Variants in PTGER3 observed in about 807,000 individuals in gnomAD.
PTGER3 encodes prostaglandin E receptor 3.
Under a neutral mutation model 34.7 loss-of-function variants are expected in PTGER3, and 22 were observed. That is an observed-to-expected ratio of 0.63 (90% CI 0.45 to 0.91). PTGER3 has a LOEUF of 0.91. Among genes scored for constraint, PTGER3 ranks in the 40% least tolerant of loss-of-function variants. The pLI, the probability that PTGER3 is intolerant of heterozygous loss-of-function variation, is 0.00. For missense variants in PTGER3, 468 were observed against 519.4 expected (o/e 0.90, Z 0.96); for synonymous variants, 241 against 230.1 (o/e 1.05, Z -0.43).
chr1:70,966,426 G>T (rs1318633165), downstream of PTGER3, among the ~76,000 whole-genome samples: 3 of 151,922 alleles, frequency 2.0e-5, no homozygotes, highest in Non-Finnish European at 4.4e-5. Flanking sequence ...TATAAAAAAA[G>T]AAGTTATTTA....
intron 2 of PTGER3, among the ~76,000 whole-genome samples, chr1:71,004,460 G>C (rs1008167821): frequency 6.6e-6 from 1 of 152,128 alleles, no homozygotes; most frequent in African/African-American, 2.4e-5. Flanking sequence ...CCCAATATTT[G>C]TTCTTTGATA....
chr1:70,893,487 G>A (rs1298619751), intron 4 of PTGER3, among the ~76,000 whole-genome samples: 1 of 152,186 alleles, frequency 6.6e-6, no homozygotes, highest in Non-Finnish European at 1.5e-5. Context: ...TGATTCCTGA[G>A]GAGCTGAGGA....
At chr1:70,893,401 C>T (rs1646660262) in intron 4 of PTGER3, among the ~76,000 whole-genome samples, 1 of 152,152 alleles carries the variant, frequency 6.6e-6, no homozygotes, top group Admixed American at 6.5e-5. Flanking sequence ...AGGACTGTGG[C>T]GTGGAGAAAG....
In PTGER3 at chr1:70,974,286, C is replaced by T. The variant is rs1359981162; in HGVS notation, c.1169+11G>A. ...GCTATGCTATAAATCCCGGCAGTTT[C>T]TAAATCTCACCTTTCCAAATGGTCG... On this transcript the variant is annotated intron_variant, in intron 3 of 3. Transcript: ENST00000306666. The T allele has an allele frequency of 6.2e-7, 1 of 1,612,412 alleles. No individual in the cohort carries two copies. Among genetic ancestry groups the T allele is most frequent in the African/African-American group, 1.3e-5 (1 of 74,958 alleles).
At chr1:70,933,715 A>G (rs2100510053) in intron 4 of PTGER3, among the ~76,000 whole-genome samples, 1 of 152,282 alleles carries the variant, frequency 6.6e-6, no homozygotes, top group Middle Eastern at 3.4e-3. Flanking sequence ...TGGGAGTGAA[A>G]GCGGTTATAA....
intron 2 of PTGER3, among the ~76,000 whole-genome samples, chr1:70,981,931 C>A (rs1654415628): frequency 6.6e-6 from 1 of 152,108 alleles, no homozygotes; most frequent in Non-Finnish European, 1.5e-5. Context: ...GTTATCCTCA[C>A]TCAGAATGGG....
intron 4 of PTGER3, among the ~76,000 whole-genome samples, chr1:70,855,541 G>A (rs998375834): frequency 5.3e-5 from 8 of 151,980 alleles, no homozygotes; most frequent in African/African-American, 1.9e-4. Flanking sequence ...CTGTGAACGC[G>A]ACAAAATATC....
chr1:70,902,044 G>A (rs1343511709), intron 4 of PTGER3, among the ~76,000 whole-genome samples: 1 of 152,074 alleles, frequency 6.6e-6, no homozygotes, highest in Non-Finnish European at 1.5e-5. Flanking sequence ...ATTACTGACA[G>A]TGAAGGTATA....
intron 4 of PTGER3, among the ~76,000 whole-genome samples, chr1:70,930,337 T>G (rs1167355228): frequency 2.6e-5 from 4 of 152,316 alleles, no homozygotes; most frequent in East Asian, 1.9e-4. Flanking sequence ...ACAAAGCCTC[T>G]TATTATCTTG....
chr1:70,987,620 G>A (rs1264318108), intron 2 of PTGER3, among the ~76,000 whole-genome samples: 2 of 152,168 alleles, frequency 1.3e-5, no homozygotes, highest in African/African-American at 2.4e-5. Flanking sequence ...CCCTGAAGCT[G>A]CAGGTGTGGT....
intron 2 of PTGER3, among the ~76,000 whole-genome samples, chr1:70,955,944 C>G (rs1651280628): frequency 6.6e-6 from 1 of 152,144 alleles, no homozygotes; most frequent in African/African-American, 2.4e-5. Flanking sequence ...AACACCCAGT[C>G]TAGGATTGAT....
At chr1:70,913,640 A>G (rs1261129258) in intron 4 of PTGER3, among the ~76,000 whole-genome samples, 1 of 151,936 alleles carries the variant, frequency 6.6e-6, no homozygotes, top group African/African-American at 2.4e-5. Context: ...TTTTATTAGG[A>G]AAAAGAAGTT....
In PTGER3 at chr1:71,034,655, C is replaced by T. The variant is rs1008329141; in HGVS notation, c.897+12026G>A. Among the ~76,000 whole-genome samples the T allele has an allele frequency of 7.9e-5, 12 of 152,092 alleles. No individual in the cohort carries two copies. The East Asian group carries it at 1.4e-3, about 17-fold the overall frequency. On this transcript the variant is annotated intron_variant, in intron 1 of 3. Coordinates refer to ENST00000306666, the MANE Select transcript of PTGER3 (RefSeq NM_198719.2). Reference sequence around the variant, plus strand: ...CTAATCCAAGAGCTAGTATTAGCACCGAAGGGTGGAAGCAAAAGGGAGGAC... The same window carrying T: ...CTAATCCAAGAGCTAGTATTAGCACTGAAGGGTGGAAGCAAAAGGGAGGAC...
rs543013355 is a variant in PTGER3, at chr1:70,939,462, G to A, written c.*23+14301C>T. On this transcript the variant is annotated intron_variant, in intron 4 of 4. Coordinates refer to the PTGER3 transcript ENST00000370931. Reference sequence around the variant, plus strand: ...CAGTGCCCCAGTAGGGCCCCTGTGTGGGGGCTCTGACCCCACATTTCCCTT... The same window carrying A: ...CAGTGCCCCAGTAGGGCCCCTGTGTAGGGGCTCTGACCCCACATTTCCCTT... Among the ~76,000 whole-genome samples the A allele has an allele frequency of 1.2e-4, 18 of 152,320 alleles. 1 individual carries two copies. The East Asian group carries it at 2.7e-3, about 23-fold the overall frequency.
At chr1:71,012,014 T>C (rs1288506674) in intron 2 of PTGER3, 2 of 1,402,030 alleles carry the variant, frequency 1.4e-6, no homozygotes, top group African/African-American at 1.4e-5. Flanking sequence ...CACTAGACTG[T>C]TATTAATATA....
chr1:70,952,851 A>G (rs1469072334), exon 4 of PTGER3: 15 of 1,502,262 alleles, frequency 1.0e-5, no homozygotes, highest in Admixed American at 1.9e-5. Context: ...TCACAAACTC[A>G]GCTGGAGGAG....
chr1:70,892,509 A>G (rs1282856883), intron 4 of PTGER3, among the ~76,000 whole-genome samples: 3 of 152,172 alleles, frequency 2.0e-5, no homozygotes, highest in Non-Finnish European at 4.4e-5. Context: ...CTAGCTATTC[A>G]AGGAGTAACA....
At chr1:70,956,838 G>T (rs1437841997) in intron 2 of PTGER3, among the ~76,000 whole-genome samples, 1 of 152,030 alleles carries the variant, frequency 6.6e-6, no homozygotes, top group Non-Finnish European at 1.5e-5. Context: ...ACCCCATCTC[G>T]ACAAAAATTA....
intron 2 of PTGER3, among the ~76,000 whole-genome samples, chr1:70,986,183 A>T (rs937633567): frequency 6.6e-6 from 1 of 152,158 alleles, no homozygotes; most frequent in Non-Finnish European, 1.5e-5. Context: ...AAGGGGAGGC[A>T]TGAATACTCA....
Sources: allele counts gnomAD v4.1 joint callset (sites outside exome capture counted in the v4.1 genomes callset), GRCh38; gene constraint gnomAD v4.1.1; transcripts MANE v1.5; gene names NCBI Gene and HGNC (gene_info 2026-07-23, HGNC 2026-07-21).